Variants in DLGAP1 observed in about 807,000 individuals in gnomAD.
DLGAP1 encodes DLG associated protein 1, also known as disks large-associated protein 1.
Under a neutral mutation model 90.8 loss-of-function variants are expected in DLGAP1, and 11 were observed. The observed-to-expected ratio is 0.12, with a 90% confidence interval of 0.08 to 0.20. DLGAP1 has a LOEUF of 0.20. DLGAP1 is among the 10% of genes least tolerant of loss of function. The pLI is 1.00. For missense variants in DLGAP1, 1,050 were observed against 1,333.8 expected (o/e 0.79, Z 3.31); for synonymous variants, 558 against 540.7 (o/e 1.03, Z -0.44).
At chr18:3,946,663 A>G (rs2072884271) in intron 3 of DLGAP1, among the ~76,000 whole-genome samples, 1 of 152,176 alleles carries the variant, frequency 6.6e-6, no homozygotes, top group Non-Finnish European at 1.5e-5. Flanking sequence ...GAAAAAAACT[A>G]TCAAGTATTA....
intron 2 of DLGAP1, among the ~76,000 whole-genome samples, chr18:4,145,967 C>A (rs1009482232): frequency 2.6e-5 from 4 of 152,124 alleles, no homozygotes; most frequent in Admixed American, 2.6e-4. Flanking sequence ...CCAGAGCTAT[C>A]CCGTGTAGAT....
Position 4,190,236 on chromosome 18 carries a change from T to C in DLGAP1, c.-266-38949A>G, listed in dbSNP as rs148324566. Among the ~76,000 whole-genome samples the C allele has an allele frequency of 2.1e-4, 32 of 152,128 alleles. 1 individual carries two copies. The East Asian group carries it at 5.2e-3, about 25-fold the overall frequency. On this transcript the variant is annotated intron_variant, in intron 1 of 12. Coordinates refer to ENST00000315677, the MANE Select transcript of DLGAP1 (RefSeq NM_004746.4). ...AAGACATGGAGGAAGTTGAAATACA[T>C]ATTATGAAGTGGAAGAAGGAAGTCT...
At chr18:4,291,052 T>C (rs544148344) in intron 1 of DLGAP1, among the ~76,000 whole-genome samples, 3 of 152,330 alleles carry the variant, frequency 2.0e-5, no homozygotes, top group Middle Eastern at 3.4e-3. Context: ...AGAATCTAGG[T>C]TTCATTTTCA....
chr18:3,876,024 TGA>T (rs1491531232), intron 4 of DLGAP1, among the ~76,000 whole-genome samples: 3 of 122,740 alleles, frequency 2.4e-5, no homozygotes, highest in African/African-American at 1.0e-4. Context: ...GCAATAGAGC[TGA>T]AAAAAAAAAA....
chr18:3,844,719 T>C (rs2068910533), intron 4 of DLGAP1, among the ~76,000 whole-genome samples: 1 of 152,202 alleles, frequency 6.6e-6, no homozygotes, highest in Admixed American at 6.6e-5. Context: ...AAACTGAAGC[T>C]GTGGAATAAT....
chr18:4,394,170 A>G (rs67068859), intron 1 of DLGAP1, among the ~76,000 whole-genome samples: 8,050 of 151,348 alleles, frequency 0.053, 231 homozygotes, highest in African/African-American at 0.065. Context: ...TGAAGACAAA[A>G]CAGTAAAAGA....
At chr18:3,685,999 G>A (rs2060690664) in intron 7 of DLGAP1, among the ~76,000 whole-genome samples, 1 of 151,852 alleles carries the variant, frequency 6.6e-6, no homozygotes, top group Non-Finnish European at 1.5e-5. Flanking sequence ...CATGATGAGA[G>A]CCCGTCTCTA....
At chr18:3,927,533 G>T (rs2072419605) in intron 3 of DLGAP1, among the ~76,000 whole-genome samples, 1 of 152,130 alleles carries the variant, frequency 6.6e-6, no homozygotes, top group Non-Finnish European at 1.5e-5. Flanking sequence ...CAGAGTAACT[G>T]GCTGCAATTT....
At chr18:4,391,675 A>G (rs1265076388) in intron 1 of DLGAP1, among the ~76,000 whole-genome samples, 1 of 152,094 alleles carries the variant, frequency 6.6e-6, no homozygotes, top group Non-Finnish European at 1.5e-5. Context: ...AACCTTCAGG[A>G]TTGCTCAAGT....
chr18:3,673,747 T>C (rs1339139724), intron 7 of DLGAP1, among the ~76,000 whole-genome samples: 2 of 151,544 alleles, frequency 1.3e-5, no homozygotes, highest in Admixed American at 1.3e-4. Context: ...GGTTTCACCA[T>C]GTTGGCCACG....
At chr18:4,395,346 C>CA (rs754926919) in intron 1 of DLGAP1, among the ~76,000 whole-genome samples, 13 of 150,768 alleles carry the variant, frequency 8.6e-5, no homozygotes, top group East Asian at 5.9e-4. Context: ...TTCTCTGGGT[C>CA]AAAAAAAATC....
chr18:4,057,941 T>A (rs2075245890), intron 2 of DLGAP1, among the ~76,000 whole-genome samples: 1 of 152,156 alleles, frequency 6.6e-6, no homozygotes, highest in Non-Finnish European at 1.5e-5. Context: ...CCATAGAGGC[T>A]CTGCTCCTCC....
chr18:4,305,166 C>T (rs2080218662), intron 1 of DLGAP1, among the ~76,000 whole-genome samples: 1 of 151,956 alleles, frequency 6.6e-6, no homozygotes, highest in Non-Finnish European at 1.5e-5. Context: ...TCTGGGTGTG[C>T]TTATGCGGTG....
intron 7 of DLGAP1, among the ~76,000 whole-genome samples, chr18:3,596,088 G>A (rs1475742216): frequency 2.0e-5 from 3 of 152,164 alleles, no homozygotes; most frequent in Non-Finnish European, 2.9e-5. Context: ...GGGGCAGACT[G>A]GGTCTTGTTG....
chr18:4,364,558 A>C (rs2081716140), intron 1 of DLGAP1, among the ~76,000 whole-genome samples: 1 of 152,058 alleles, frequency 6.6e-6, no homozygotes, highest in Non-Finnish European at 1.5e-5. Context: ...CCCAGAATTG[A>C]GATGCTGCCA....
intron 5 of DLGAP1, among the ~76,000 whole-genome samples, chr18:3,745,635 T>C (rs547541119): frequency 3.3e-5 from 5 of 152,130 alleles, no homozygotes; most frequent in Admixed American, 6.5e-5. Context: ...TAAAAATAAA[T>C]AAAAAACAAG....
intron 2 of DLGAP1, among the ~76,000 whole-genome samples, chr18:4,069,828 T>C (rs2075421846): frequency 6.6e-6 from 1 of 152,228 alleles, no homozygotes; most frequent in South Asian, 2.1e-4. Flanking sequence ...TATCTCTTCA[T>C]TTGTTTCTCA....
chr18:4,394,493 C>A (rs1457055878), intron 1 of DLGAP1, among the ~76,000 whole-genome samples: 2 of 152,148 alleles, frequency 1.3e-5, no homozygotes, highest in Non-Finnish European at 2.9e-5. Flanking sequence ...GAAAAATGCA[C>A]ATCTACTTGG....
intron 2 of DLGAP1, among the ~76,000 whole-genome samples, chr18:4,135,685 A>G (rs2076387335): frequency 6.6e-6 from 1 of 152,042 alleles, no homozygotes; most frequent in Non-Finnish European, 1.5e-5. Context: ...AGTTCCCACA[A>G]ATAAGTGAGA....
Sources: gnomAD v4.1 joint callset for allele counts (sites outside exome capture counted in the v4.1 genomes callset) on GRCh38, gnomAD v4.1.1 for gene constraint, MANE v1.5 for transcripts, NCBI Gene and HGNC (gene_info 2026-07-23, HGNC 2026-07-21) for gene names.